DOCK11: variants seen among roughly 807,000 people sequenced by gnomAD.
The protein encoded by DOCK11 is dedicator of cytokinesis 11.
Under a neutral mutation model 169.1 loss-of-function variants are expected in DOCK11, and 70 were observed. The ratio of observed to expected loss-of-function variants is 0.41; its 90% CI spans 0.34 to 0.51. The LOEUF (loss-of-function observed/expected upper bound fraction) is 0.51, where lower values mean the gene tolerates loss of function less well. DOCK11 is among the 20% of genes least tolerant of loss of function. The probability of loss-of-function intolerance (pLI) is 0.10; values close to 1 mark genes in which losing one functional copy is unlikely to be tolerated. For synonymous variants in DOCK11, 529 were observed against 541.3 expected, an observed-to-expected ratio of 0.98 and a Z score of 0.32; for missense variants, 1,166 against 1,538.8, an observed-to-expected ratio of 0.76 and a Z score of 4.05.
At chrX:118,630,538 C>T in intron 35 of DOCK11, 48 bp downstream of exon 35, 2 of 779,709 alleles carry the variant, frequency 2.6e-6, no homozygotes, top group Non-Finnish European at 3.8e-6. Context: ...CATACACCCT[C>T]ACAGGTTCAC....
At chrX:118,679,456 T>C (rs908197309) in intron 48 of DOCK11, among the ~76,000 whole-genome samples, 5 of 112,130 alleles carry the variant, frequency 4.5e-5, no homozygotes, top group African/African-American at 1.6e-4. Context: ...GTATAAACTA[T>C]TGGCCAGACA....
intron 44 of DOCK11, among the ~76,000 whole-genome samples, chrX:118,655,968 A>G (rs748422612): frequency 1.3e-4 from 15 of 111,904 alleles, no homozygotes; most frequent in Non-Finnish European, 1.1e-4. Context: ...ATTGCCTCAT[A>G]TAACACCCAT....
At chrX:118,600,409 TAA>T (rs749187430) in intron 23 of DOCK11, among the ~76,000 whole-genome samples, 4 of 73,969 alleles carry the variant, frequency 5.4e-5, no homozygotes, top group Admixed American at 1.6e-4. Context: ...TCTTTTTTTT[TAA>T]AAAAAAAAAA....
At chrX:118,672,246 T>C (rs116264712) in intron 46 of DOCK11, among the ~76,000 whole-genome samples, 2,607 of 111,839 alleles carry the variant, frequency 0.023, 71 homozygotes, top group African/African-American at 0.079. Flanking sequence ...TGATAAAGTT[T>C]AGTTAATAAA....
intron 7 of DOCK11, among the ~76,000 whole-genome samples, chrX:118,564,751 C>CCCTTCCTTCCTT (rs377633444): frequency 8.9e-5 from 9 of 101,465 alleles, no homozygotes; most frequent in African/African-American, 3.3e-4. Context: ...TTCCTTCTTT[C>CCCTTCCTTCCTT]CCTTCCTTCC....
chrX:118,670,147 A>G (rs1045606384), intron 45 of DOCK11, among the ~76,000 whole-genome samples: 3 of 112,191 alleles, frequency 2.7e-5, no homozygotes, highest in African/African-American at 9.7e-5. Context: ...TGCTTAGTTT[A>G]CTACCTAAGG....
At chrX:118,615,403 T>A (rs2014783991) in intron 29 of DOCK11, among the ~76,000 whole-genome samples, 197 bp from the exon 30 acceptor site, 1 of 112,270 alleles carries the variant, frequency 8.9e-6, no homozygotes, top group Non-Finnish European at 1.9e-5. Context: ...ATTTTTTAGA[T>A]GCCAGCCAAC....
chrX:118,570,778 A>C (rs974743133), intron 10 of DOCK11, among the ~76,000 whole-genome samples: 9 of 111,834 alleles, frequency 8.0e-5, no homozygotes, highest in African/African-American at 2.6e-4. Flanking sequence ...ATGAAAGTAC[A>C]GTAAATTGTC....
intron 1 of DOCK11, among the ~76,000 whole-genome samples, chrX:118,527,595 G>T (rs1302580572): frequency 8.9e-6 from 1 of 112,281 alleles, no homozygotes; most frequent in Non-Finnish European, 1.9e-5. Flanking sequence ...ACATCAAAAT[G>T]TTAACAGTGG....
chrX:118,612,247 C>G (rs1238755497), intron 28 of DOCK11, among the ~76,000 whole-genome samples: 2 of 111,931 alleles, frequency 1.8e-5, no homozygotes, highest in Non-Finnish European at 3.8e-5. Context: ...TTTCACACAT[C>G]TTGAGTATGA....
intron 48 of DOCK11, among the ~76,000 whole-genome samples, chrX:118,679,918 ATTTTTTTT>A (rs55756738): frequency 1.8e-5 from 1 of 55,435 alleles, no homozygotes. Flanking sequence ...GATTACAGTA[ATTTTTTTT>A]TTTTTTTTTT....
chrX:118,516,154 A>G (rs1428511765), intron 1 of DOCK11, among the ~76,000 whole-genome samples: 2 of 79,344 alleles, frequency 2.5e-5, no homozygotes, highest in Non-Finnish European at 4.5e-5. Flanking sequence ...GTGCAGTGGC[A>G]TGATCTCGAC....
In DOCK11 at chrX:118,685,890, G is replaced by A; in HGVS notation, c.*83G>A. The A allele has an allele frequency of 1.8e-6, 2 of 1,114,949 alleles. No individual in the cohort carries two copies. The highest frequency in any genetic ancestry group is 4.7e-5 in the South Asian group (2 of 42,435). The allele number at this position is 1,114,949 out of a possible 1,213,427, so 91.9% of individuals were successfully genotyped here. ...TGCAAATGTTAAAATTTAAAGATTTGATATACATGGAGTGTTTCTTCTCGA... is the reference window on the plus strand; with the variant it reads ...TGCAAATGTTAAAATTTAAAGATTTAATATACATGGAGTGTTTCTTCTCGA... On this transcript the variant is annotated 3_prime_UTR_variant, in exon 53 of 53. Transcript: ENST00000276202.
rs749353751 is a variant in DOCK11, at chrX:118,608,328, A to AT, written c.2855dup (p.Leu952PhefsTer15). 2 of 1,210,353 alleles carry AT rather than the reference A, an allele frequency of 1.7e-6. No homozygotes were observed. The highest frequency in any genetic ancestry group is 2.2e-6 in the Non-Finnish European group (2 of 894,953). ...ATAGCAATATTGAAACAGTCTGCAG[A>AT]TTTTTTATCAATAAACAAATTGCTA... On this transcript the variant is annotated frameshift_variant, in exon 26 of 53. Transcript: ENST00000276202. LOFTEE classifies it high-confidence loss of function.
At chrX:118,543,478 T>C in intron 3 of DOCK11, 33 bp from the exon 4 acceptor site, 1 of 1,087,341 alleles carries the variant, frequency 9.2e-7, no homozygotes. Context: ...ACTTTTCCTA[T>C]ATTTCAAATT....
chrX:118,497,346 G>C (rs1376836574), intron 1 of DOCK11, among the ~76,000 whole-genome samples: 1 of 111,948 alleles, frequency 8.9e-6, no homozygotes, highest in Non-Finnish European at 1.9e-5. Flanking sequence ...GGAGAAAGTT[G>C]ACATTAGTGG....
intron 6 of DOCK11, among the ~76,000 whole-genome samples, chrX:118,558,667 T>A (rs1333549018): frequency 8.9e-6 from 1 of 112,134 alleles, no homozygotes; most frequent in East Asian, 2.8e-4. Context: ...AATATTAGAA[T>A]GAGAAGAGAC....
intron 44 of DOCK11, among the ~76,000 whole-genome samples, chrX:118,655,898 A>G (rs1048853324): frequency 8.9e-6 from 1 of 112,344 alleles, no homozygotes; most frequent in Non-Finnish European, 1.9e-5. Flanking sequence ...TTATTTTTTA[A>G]TTACAGAATT....
chrX:118,616,574 C>A (rs2014822746), intron 30 of DOCK11, among the ~76,000 whole-genome samples: 1 of 108,184 alleles, frequency 9.2e-6, no homozygotes, highest in African/African-American at 3.4e-5. Context: ...TGTGTCTCCT[C>A]TCTCAGGCTT....
Sources: allele counts gnomAD v4.1 joint callset (sites outside exome capture counted in the v4.1 genomes callset), GRCh38; gene constraint gnomAD v4.1.1; transcripts MANE v1.5; gene names NCBI Gene and HGNC (gene_info 2026-07-23, HGNC 2026-07-21).